The following PLS3 variants were observed in gnomAD, a reference collection of about 807,000 sequenced individuals.
PLS3 encodes plastin 3, also known as plastin-3.
A neutral mutation model predicts 46.5 loss-of-function variants in PLS3; 11 were observed. The observed-to-expected ratio is 0.24, with a 90% CI of 0.15 to 0.39. The LOEUF is 0.39. PLS3 is among the 10% of genes least tolerant of loss of function. The pLI, the probability that PLS3 is intolerant of heterozygous loss-of-function variation, is 1.00. For missense variants in PLS3, 308 were observed against 461.8 expected (o/e 0.67, Z 3.05); for synonymous variants, 167 against 162.2 (o/e 1.03, Z -0.22).
intron 1 of PLS3, among the ~76,000 whole-genome samples, chrX:115,602,316 C>T (rs1244999093): frequency 3.6e-5 from 4 of 111,851 alleles, no homozygotes; most frequent in African/African-American, 1.3e-4. Context: ...TAAGTTAATG[C>T]TTGATTAATA....
chrX:115,637,762 T>C (rs2074852535), intron 8 of PLS3, among the ~76,000 whole-genome samples: 1 of 111,916 alleles, frequency 8.9e-6, no homozygotes, highest in African/African-American at 3.2e-5. Flanking sequence ...CAGATGTCAC[T>C]GACCAGCAAG....
chrX:115,641,083 A>C (rs1372929347), intron 9 of PLS3, among the ~76,000 whole-genome samples: 5 of 110,924 alleles, frequency 4.5e-5, no homozygotes, highest in African/African-American at 1.6e-4. Flanking sequence ...TGAACTATTT[A>C]GTCCCAAGTT....
At chrX:115,582,778 G>A (rs1556631967) in intron 1 of PLS3, among the ~76,000 whole-genome samples, 3 of 112,530 alleles carry the variant, frequency 2.7e-5, no homozygotes, top group African/African-American at 6.5e-5. Flanking sequence ...GGTAGCTCAC[G>A]CCTGAATCCC....
chrX:115,567,004 C>T (rs1168024960), intron 1 of PLS3, among the ~76,000 whole-genome samples: 3 of 112,340 alleles, frequency 2.7e-5, no homozygotes, highest in Non-Finnish European at 5.6e-5. Flanking sequence ...TATTTCTTAC[C>T]TCAAATATTG....
chrX:115,587,158 C>G (rs1426198235), intron 1 of PLS3, among the ~76,000 whole-genome samples: 1 of 112,131 alleles, frequency 8.9e-6, no homozygotes, highest in African/African-American at 3.2e-5. Context: ...AGATAGTGGC[C>G]CCACACTGTA....
chrX:115,587,730 G>A (rs1351125843), intron 1 of PLS3, among the ~76,000 whole-genome samples: 1 of 96,185 alleles, frequency 1.0e-5, no homozygotes, highest in Non-Finnish European at 2.0e-5. Context: ...GCGAGACTCC[G>A]TCTCAAAAAA....
chrX:115,577,034 A>G (rs1261266628), intron 1 of PLS3, among the ~76,000 whole-genome samples: 5 of 112,298 alleles, frequency 4.5e-5, no homozygotes, highest in African/African-American at 1.6e-4. Context: ...CTGGAGACCC[A>G]GATTGTAGTA....
At chrX:115,646,977 A>G (rs1556641791) in intron 13 of PLS3, among the ~76,000 whole-genome samples, 1 of 112,191 alleles carries the variant, frequency 8.9e-6, no homozygotes, top group African/African-American at 3.2e-5. Flanking sequence ...GAATAGTACA[A>G]AATGTGCCTA....
intron 2 of PLS3, among the ~76,000 whole-genome samples, chrX:115,616,554 T>G (rs2074600655): frequency 8.9e-6 from 1 of 112,388 alleles, no homozygotes; most frequent in Non-Finnish European, 1.9e-5. Flanking sequence ...TGTGAGCACC[T>G]GATGAGATGG....
chrX:115,566,180 C>T (rs1275293589), intron 1 of PLS3, among the ~76,000 whole-genome samples: 1 of 112,020 alleles, frequency 8.9e-6, no homozygotes, highest in Non-Finnish European at 1.9e-5. Context: ...AAAGCTTTAA[C>T]AAGAGTTTAC....
chrX:115,564,781 T>C (rs1359451805), intron 1 of PLS3, among the ~76,000 whole-genome samples: 7 of 112,190 alleles, frequency 6.2e-5, no homozygotes, highest in African/African-American at 2.3e-4. Flanking sequence ...TGGTACAGAT[T>C]ATGAAAGTAG....
At position 115,604,509 on chromosome X, in the gene PLS3, A is replaced by G. The variant is rs1373217635; in HGVS notation, c.-8-5734A>G. ...TGAGACAGATTAATTAAACTTGCTC[A>G]TGGACACATTACTAGGGAATAGCAG... On this transcript the variant is annotated intron_variant, in intron 1 of 15. Coordinates refer to ENST00000355899, the MANE Select transcript of PLS3 (RefSeq NM_005032.7). 2.7e-5 allele frequency among the ~76,000 whole-genome samples: 3 copies of G among 112,131 alleles called. No individual in the cohort carries two copies. In the East Asian group the frequency reaches 8.5e-4, roughly 32 times the overall value.
At chrX:115,573,585 T>C (rs2074230167) in intron 1 of PLS3, among the ~76,000 whole-genome samples, 1 of 112,734 alleles carries the variant, frequency 8.9e-6, no homozygotes, top group Non-Finnish European at 1.9e-5. Flanking sequence ...CACATGCAGC[T>C]CTTATACTTT....
At chrX:115,637,414 C>T (rs1402452754) in intron 8 of PLS3, among the ~76,000 whole-genome samples, 4 of 111,249 alleles carry the variant, frequency 3.6e-5, no homozygotes, top group Non-Finnish European at 7.5e-5. Context: ...GTGAGTTCCT[C>T]GAGGATAGCA....
At chrX:115,632,070 C>G (rs1603241300) in intron 5 of PLS3, among the ~76,000 whole-genome samples, 1 of 111,212 alleles carries the variant, frequency 9.0e-6, no homozygotes, top group African/African-American at 3.3e-5. Context: ...TACCAAAGCG[C>G]TGGGATTACA....
rs782600450 is a variant in PLS3 at position 115,643,479 on chromosome X, A to G, written c.1154A>G (p.Asn385Ser). The change falls in exon 10 of 16, where the codon AAC becomes AGC. Residue 385 changes from asparagine to serine, a missense_variant. Coordinates refer to ENST00000355899, the MANE Select transcript of PLS3 (RefSeq NM_005032.7). ...NKYPALTKPENQDIDWTLLEG... is the reference protein window; with the variant it reads ...NKYPALTKPESQDIDWTLLEG... Reference sequence around the variant, plus strand: ...TACCCAGCACTAACTAAGCCAGAGAACCAGGATATTGACTGGACTCTATTA... The same window carrying G: ...TACCCAGCACTAACTAAGCCAGAGAGCCAGGATATTGACTGGACTCTATTA... The G allele has an allele frequency of 4.5e-5, 54 of 1,190,153 alleles. No homozygotes were observed. In the South Asian group the frequency reaches 9.2e-4, roughly 20 times the overall value.
chrX:115,627,523 G>A (rs142988520), intron 3 of PLS3, among the ~76,000 whole-genome samples: 2,863 of 110,997 alleles, frequency 0.026, 39 homozygotes, highest in Non-Finnish European at 0.038. Context: ...ATCAAAAGGA[G>A]AGCTATAGGA....
chrX:115,629,700 G>A, intron 4 of PLS3, 135 bp from the exon 5 acceptor site: 1 of 437,046 alleles, frequency 2.3e-6, no homozygotes, highest in Non-Finnish European at 3.9e-6. Context: ...AAGTGTCTGG[G>A]TTTCCACACA....
Position 115,629,337 on chromosome X carries a change from T to C in PLS3, c.367+10T>C. The C allele has an allele frequency of 8.4e-7, 1 of 1,193,221 alleles. No individual in the cohort carries two copies. Among genetic ancestry groups the C allele is most frequent in the South Asian group, 1.8e-5 (1 of 54,814 alleles). ...CAGCATTCTTACTCAGGTAATCATT[T>C]TATATGCAATAGGTTAACACAATGT... On this transcript the variant is annotated intron_variant, in intron 4 of 15. Coordinates refer to ENST00000355899, the MANE Select transcript of PLS3 (RefSeq NM_005032.7).
Sources: gnomAD v4.1 joint callset for allele counts (sites outside exome capture counted in the v4.1 genomes callset) on GRCh38, gnomAD v4.1.1 for gene constraint, MANE v1.5 for transcripts, NCBI Gene and HGNC (gene_info 2026-07-23, HGNC 2026-07-21) for gene names.